The following SNTG1 variants were observed in gnomAD, a reference collection of about 807,000 sequenced individuals.
SNTG1 encodes the protein gamma-1-syntrophin.
A neutral mutation model predicts 74.7 loss-of-function variants in SNTG1; 39 were observed. The ratio of observed to expected loss-of-function variants is 0.52; its 90% CI spans 0.40 to 0.68. SNTG1 has a LOEUF of 0.68. Among genes scored for constraint, SNTG1 ranks in the 30% least tolerant of loss-of-function variants. SNTG1 has a pLI of 0.00. For missense variants in SNTG1, 685 were observed against 609.5 expected (o/e 1.12, Z -1.30); for synonymous variants, 254 against 217.1 (o/e 1.17, Z -1.49).
intron 17 of SNTG1, among the ~76,000 whole-genome samples, chr8:50,711,836 T>C (rs2095462474): frequency 6.6e-6 from 1 of 152,208 alleles, no homozygotes; most frequent in Non-Finnish European, 1.5e-5. Flanking sequence ...AATTCATTAC[T>C]GTACAGCTCA....
At chr8:50,258,844 T>C (rs1274045330) in intron 2 of SNTG1, among the ~76,000 whole-genome samples, 1 of 152,128 alleles carries the variant, frequency 6.6e-6, no homozygotes, top group African/African-American at 2.4e-5. Context: ...CTGATGAGAT[T>C]ACCAGAAGAG....
chr8:50,219,596 C>A (rs766452508), intron 2 of SNTG1, among the ~76,000 whole-genome samples: 1 of 152,076 alleles, frequency 6.6e-6, no homozygotes, highest in Non-Finnish European at 1.5e-5. Context: ...CAGACATGTG[C>A]TATATAGCTG....
At chr8:50,076,694 T>C (rs1821927257) in intron 1 of SNTG1, among the ~76,000 whole-genome samples, 1 of 152,136 alleles carries the variant, frequency 6.6e-6, no homozygotes, top group Non-Finnish European at 1.5e-5. Context: ...ATGTAAATTA[T>C]AGTAATTAAG....
intron 15 of SNTG1, among the ~76,000 whole-genome samples, chr8:50,659,422 T>C (rs750486903): frequency 1.1e-4 from 17 of 152,218 alleles, no homozygotes; most frequent in Non-Finnish European, 7.3e-5. Context: ...GGGGAGCTAA[T>C]TTCCCTTTGC....
chr8:50,536,906 T>C (rs1336083078), intron 11 of SNTG1, 98 bp downstream of exon 11: 2 of 1,407,054 alleles, frequency 1.4e-6, no homozygotes, highest in Non-Finnish European at 1.9e-6. Context: ...ATGATTTTAG[T>C]ATGTTTTTGA....
intron 1 of SNTG1, among the ~76,000 whole-genome samples, chr8:50,121,020 TCA>T (rs2080981975): frequency 7.0e-6 from 1 of 142,030 alleles, no homozygotes; most frequent in Non-Finnish European, 1.6e-5. Context: ...CATTATCATA[TCA>T]AGACACTGAA....
At chr8:49,957,647 G>C (rs1810295815) in intron 1 of SNTG1, among the ~76,000 whole-genome samples, 1 of 152,168 alleles carries the variant, frequency 6.6e-6, no homozygotes, top group South Asian at 2.1e-4. Context: ...GTAAAAACTG[G>C]AATGTCATTC....
intron 4 of SNTG1, among the ~76,000 whole-genome samples, chr8:50,428,034 G>C (rs1042121553): frequency 6.6e-6 from 1 of 152,168 alleles, no homozygotes; most frequent in African/African-American, 2.4e-5. Flanking sequence ...ATAGGAGACA[G>C]GAAGAGGTGC....
At position 50,530,070 on chromosome 8, in the gene SNTG1, T is replaced by A. The variant is rs762116649; in HGVS notation, c.467-107T>A. 4 of 892,460 alleles carry A rather than the reference T, an allele frequency of 4.5e-6. No homozygotes were observed. The Admixed American group carries it at 9.2e-5, about 20-fold the overall frequency. The allele number at this position is 892,460 out of a possible 1,614,324, so 55.3% of individuals were successfully genotyped here. On this transcript the variant is annotated intron_variant, in intron 9 of 18. Coordinates refer to ENST00000642720, the MANE Select transcript of SNTG1 (RefSeq NM_018967.5). ...TGAGATAAAATTGTATTGTAATATC[T>A]GATTTACTTGATATTACTGAGTATC...
intron 15 of SNTG1, among the ~76,000 whole-genome samples, chr8:50,664,074 G>T (rs906745619): frequency 6.6e-6 from 1 of 152,106 alleles, no homozygotes; most frequent in South Asian, 2.1e-4. Context: ...CATGTTACAC[G>T]TCTCAAAATT....
intron 1 of SNTG1, among the ~76,000 whole-genome samples, chr8:50,145,881 T>C (rs1261751844): frequency 5.3e-5 from 8 of 151,536 alleles, no homozygotes; most frequent in African/African-American, 1.9e-4. Context: ...AAAGGGGAAA[T>C]AATATAGCAT....
rs182285212 is a variant in SNTG1, at chr8:50,295,785, T to C, written c.-27-98427T>C. On this transcript the variant is annotated intron_variant, in intron 2 of 18. Transcript: ENST00000642720. ...TCTGCCAAGAGTTTGCCAAGATACA[T>C]ATGATGTGTACTGAACATATCATGC... 7.2e-5 allele frequency among the ~76,000 whole-genome samples: 11 copies of C among 152,300 alleles called. No individual in the cohort carries two copies. In the East Asian group the frequency reaches 2.1e-3, roughly 29 times the overall value.
At chr8:50,101,486 G>GAAT (rs1454043830) in intron 1 of SNTG1, among the ~76,000 whole-genome samples, 1 of 152,086 alleles carries the variant, frequency 6.6e-6, no homozygotes, top group African/African-American at 2.4e-5. Context: ...TGATGTGAGA[G>GAAT]AATATCTCAT....
intron 1 of SNTG1, among the ~76,000 whole-genome samples, chr8:50,146,283 C>T (rs539395683): frequency 2.1e-4 from 32 of 151,862 alleles, no homozygotes; most frequent in African/African-American, 5.8e-4. Context: ...TTTGGGAGGC[C>T]GAGGCGGGTG....
chr8:50,790,163 C>A (rs2095686877), intron 18 of SNTG1, among the ~76,000 whole-genome samples: 3 of 151,942 alleles, frequency 2.0e-5, no homozygotes, highest in Admixed American at 1.3e-4. Flanking sequence ...CATATTCTGA[C>A]ATATTGTCCT....
chr8:50,094,462 TA>T (rs1280443545), intron 1 of SNTG1, among the ~76,000 whole-genome samples: 1 of 151,872 alleles, frequency 6.6e-6, no homozygotes, highest in Non-Finnish European at 1.5e-5. Flanking sequence ...CCAAAATCTA[TA>T]AGGAACCTAA....
At chr8:50,732,295 A>G (rs2095514751) in intron 17 of SNTG1, among the ~76,000 whole-genome samples, 1 of 152,000 alleles carries the variant, frequency 6.6e-6, no homozygotes, top group Non-Finnish European at 1.5e-5. Flanking sequence ...AAGCCAAGCT[A>G]AAAATAAAGT....
intron 2 of SNTG1, among the ~76,000 whole-genome samples, chr8:50,290,550 C>T (rs17769846): frequency 0.16 from 24,253 of 151,988 alleles, 2,346 homozygotes; most frequent in Middle Eastern, 0.28. Flanking sequence ...TTGCAGTTTC[C>T]GAAGAGTTTT....
intron 1 of SNTG1, among the ~76,000 whole-genome samples, chr8:50,004,556 C>CT (rs1328654257): frequency 1.3e-5 from 2 of 152,108 alleles, no homozygotes; most frequent in East Asian, 3.9e-4. Context: ...TGCCATTTTA[C>CT]TTTTGGTAAG....
Sources: gnomAD v4.1 joint callset for allele counts (sites outside exome capture counted in the v4.1 genomes callset) on GRCh38, gnomAD v4.1.1 for gene constraint, MANE v1.5 for transcripts, NCBI Gene and HGNC (gene_info 2026-07-23, HGNC 2026-07-21) for gene names.